The following NUBPL variants were observed in gnomAD, a reference collection of about 807,000 sequenced individuals.
NUBPL encodes NUBP iron-sulfur cluster assembly factor, mitochondrial, also known as iron-sulfur cluster transfer protein NUBPL.
Under a neutral mutation model 45.7 loss-of-function variants are expected in NUBPL, and 31 were observed. The observed-to-expected ratio is 0.68, with a 90% CI of 0.51 to 0.92. NUBPL has a LOEUF of 0.92. Among genes scored for constraint, NUBPL ranks in the 40% least tolerant of loss-of-function variants. The probability of loss-of-function intolerance (pLI) is 0.00; values close to 1 mark genes in which losing one functional copy is unlikely to be tolerated. For missense variants in NUBPL, 401 were observed against 398.7 expected (o/e 1.01, Z -0.05); for synonymous variants, 144 against 140.9 (o/e 1.02, Z -0.15).
chr14:31,623,992 A>G (rs1018465377), intron 4 of NUBPL, among the ~76,000 whole-genome samples: 9 of 152,188 alleles, frequency 5.9e-5, no homozygotes, highest in Non-Finnish European at 1.5e-5. Flanking sequence ...AGTGACACTC[A>G]GTTTTGCATT....
chr14:31,688,831 G>A (rs2037027474), intron 6 of NUBPL, among the ~76,000 whole-genome samples: 1 of 151,790 alleles, frequency 6.6e-6, no homozygotes, highest in Non-Finnish European at 1.5e-5. Context: ...CCACCCTCAA[G>A]TAGGCCCCAG....
At chr14:31,847,657 A>C (rs962644491) in intron 9 of NUBPL, among the ~76,000 whole-genome samples, 3 of 152,234 alleles carry the variant, frequency 2.0e-5, no homozygotes, top group Non-Finnish European at 2.9e-5. Context: ...GGAAGGCATA[A>C]AGTGAATTAT....
At chr14:31,838,493 A>G (rs2040319881) in intron 8 of NUBPL, among the ~76,000 whole-genome samples, 1 of 152,184 alleles carries the variant, frequency 6.6e-6, no homozygotes, top group African/African-American at 2.4e-5. Flanking sequence ...TATATATTGC[A>G]TGATTCCATT....
intron 4 of NUBPL, among the ~76,000 whole-genome samples, chr14:31,665,117 C>G (rs1441823287): frequency 2.0e-5 from 3 of 151,894 alleles, no homozygotes; most frequent in African/African-American, 7.3e-5. Context: ...TCTCTCTTTT[C>G]TTCTTTATTA....
chr14:31,705,528 G>A lies in NUBPL; in HGVS notation c.513+31954G>A, dbSNP rs138054039. On this transcript the variant is annotated intron_variant, in intron 6 of 10. Coordinates refer to ENST00000281081, the MANE Select transcript of NUBPL (RefSeq NM_025152.3). ...ATTTACAAACCTTTGGCTAGACACA[G>A]AGTGCTGATTGGTGCATTTACAATC... Among the ~76,000 whole-genome samples the A allele has an allele frequency of 4.0e-3, 601 of 152,130 alleles. 2 individuals are homozygous for A. Among genetic ancestry groups the A allele is most frequent in the African/African-American group, 0.014 (572 of 41,442 alleles).
At chr14:31,640,238 A>G (rs1220931949) in intron 4 of NUBPL, among the ~76,000 whole-genome samples, 1 of 152,090 alleles carries the variant, frequency 6.6e-6, no homozygotes, top group Admixed American at 6.5e-5. Flanking sequence ...CTGCCCTCCG[A>G]CAAAATCAGT....
chr14:31,635,341 T>C (rs1023953658), intron 4 of NUBPL, among the ~76,000 whole-genome samples: 9 of 152,198 alleles, frequency 5.9e-5, no homozygotes, highest in African/African-American at 1.9e-4. Context: ...ATTTATTAAA[T>C]AGGGAATCCT....
rs528047014 is a variant in NUBPL, at chr14:31,626,951, A to G, written c.382+27572A>G. Among the ~76,000 whole-genome samples, 3 of 152,124 alleles carry G rather than the reference A, an allele frequency of 2.0e-5. No homozygotes were observed. The East Asian group carries it at 5.8e-4, about 29-fold the overall frequency. Reference sequence around the variant, plus strand: ...AACATCATGAAGGGAGTACATCAGAATCATCTACACTGCTTGTTAAATATA... The same window carrying G: ...AACATCATGAAGGGAGTACATCAGAGTCATCTACACTGCTTGTTAAATATA... On this transcript the variant is annotated intron_variant, in intron 4 of 10. Transcript: ENST00000281081.
chr14:31,676,141 G>A (rs138211468), intron 6 of NUBPL, among the ~76,000 whole-genome samples: 405 of 152,012 alleles, frequency 2.7e-3, no homozygotes, highest in Non-Finnish European at 4.4e-3. Flanking sequence ...TCCTGCCTCA[G>A]CCTTCTGAGT....
chr14:31,825,456 T>C (rs1566584355), intron 7 of NUBPL, among the ~76,000 whole-genome samples: 1 of 152,074 alleles, frequency 6.6e-6, no homozygotes, highest in African/African-American at 2.4e-5. Context: ...CAGCTTCTTC[T>C]TCCTCCTCCT....
intron 6 of NUBPL, among the ~76,000 whole-genome samples, chr14:31,697,683 C>T (rs931909424): frequency 2.0e-5 from 3 of 152,216 alleles, no homozygotes; most frequent in Non-Finnish European, 2.9e-5. Flanking sequence ...AGAGAAAAAT[C>T]TCTCCATTTT....
chr14:31,615,823 T>G (rs940966820), intron 4 of NUBPL, among the ~76,000 whole-genome samples: 2 of 152,200 alleles, frequency 1.3e-5, no homozygotes, highest in African/African-American at 4.8e-5. Context: ...GTAATGGGAT[T>G]GCTGGGTCAA....
chr14:31,821,187 C>T (rs1176852934), intron 7 of NUBPL, among the ~76,000 whole-genome samples: 1 of 151,672 alleles, frequency 6.6e-6, no homozygotes, highest in East Asian at 1.9e-4. Flanking sequence ...CAAAAATGGA[C>T]AAATGGGATC....
chr14:31,664,043 G>A (rs1205437857), intron 4 of NUBPL, among the ~76,000 whole-genome samples: 1 of 152,138 alleles, frequency 6.6e-6, no homozygotes, highest in East Asian at 1.9e-4. Flanking sequence ...CTGTTTGTCT[G>A]TTATTGGTGT....
Position 31,569,232 on chromosome 14 carries a change from T to A in NUBPL, c.291+4184T>A, listed in dbSNP as rs147337156. Reference sequence around the variant, plus strand: ...GTTTTTGTTTTTTAAGATCTCGATCTGTTGCCCAGGCTGGAGTGCAGTGGT... The same window carrying A: ...GTTTTTGTTTTTTAAGATCTCGATCAGTTGCCCAGGCTGGAGTGCAGTGGT... On this transcript the variant is annotated intron_variant, in intron 3 of 10. Transcript: ENST00000281081. Among the ~76,000 whole-genome samples, 313 of 152,254 alleles carry A rather than the reference T, an allele frequency of 2.1e-3. 1 individual carries two copies. Among genetic ancestry groups the A allele is most frequent in the African/African-American group, 7.2e-3 (300 of 41,542 alleles).
chr14:31,633,846 C>A (rs903200988), intron 4 of NUBPL, among the ~76,000 whole-genome samples: 1 of 152,090 alleles, frequency 6.6e-6, no homozygotes, highest in African/African-American at 2.4e-5. Context: ...AGAAAAACAA[C>A]TTTAGGTCTT....
chr14:31,600,473 C>T (rs35117360), intron 4 of NUBPL, among the ~76,000 whole-genome samples: 45,976 of 151,982 alleles, frequency 0.3, 7,671 homozygotes, highest in South Asian at 0.41. Flanking sequence ...CTAGAGTACC[C>T]GAATACCCAC....
intron 4 of NUBPL, among the ~76,000 whole-genome samples, chr14:31,640,615 A>G (rs1475591413): frequency 8.3e-5 from 3 of 36,352 alleles, no homozygotes; most frequent in African/African-American, 6.3e-4. Context: ...ACTCTGTCTC[A>G]AAAAAAAAAA....
chr14:31,773,609 A>G (rs2138771510), intron 6 of NUBPL, among the ~76,000 whole-genome samples: 1 of 152,316 alleles, frequency 6.6e-6, no homozygotes, highest in Middle Eastern at 3.4e-3. Flanking sequence ...AAATTTGTCC[A>G]CCAGGTTAGC....
Sources: allele counts gnomAD v4.1 joint callset (sites outside exome capture counted in the v4.1 genomes callset), GRCh38; gene constraint gnomAD v4.1.1; transcripts MANE v1.5; gene names NCBI Gene and HGNC (gene_info 2026-07-23, HGNC 2026-07-21).